RBMS3: variants seen among roughly 807,000 people sequenced by gnomAD.
RBMS3 encodes RNA-binding motif, single-stranded-interacting protein 3.
Under a neutral mutation model 66.8 loss-of-function variants are expected in RBMS3, and 27 were observed. The observed-to-expected ratio is 0.40, with a 90% CI of 0.30 to 0.56. The LOEUF (loss-of-function observed/expected upper bound fraction) is 0.56, where lower values mean the gene tolerates loss of function less well. Among genes scored for constraint, RBMS3 ranks in the 20% least tolerant of loss-of-function variants. The pLI, the probability that RBMS3 is intolerant of heterozygous loss-of-function variation, is 0.40. For missense variants in RBMS3, 513 were observed against 549.5 expected (o/e 0.93, Z 0.66); for synonymous variants, 188 against 183.0 (o/e 1.03, Z -0.22).
At chr3:29,446,694 G>A (rs1246147224) in intron 2 of RBMS3, among the ~76,000 whole-genome samples, 2 of 152,064 alleles carry the variant, frequency 1.3e-5, no homozygotes, top group Admixed American at 6.5e-5. Flanking sequence ...AGGATACCAA[G>A]CATTTCAGTT....
At chr3:29,992,632 T>TTGCAA (rs1457134797) in intron 14 of RBMS3, among the ~76,000 whole-genome samples, 1 of 151,996 alleles carries the variant, frequency 6.6e-6, no homozygotes, top group Non-Finnish European at 1.5e-5. Context: ...ATTAAAATTA[T>TTGCAA]TGCAATAGGG....
chr3:29,528,072 G>T (rs1256085974), intron 3 of RBMS3, among the ~76,000 whole-genome samples: 1 of 149,866 alleles, frequency 6.7e-6, no homozygotes, highest in Non-Finnish European at 1.5e-5. Context: ...ATCAAGAAAT[G>T]CTAAACTTGT....
At chr3:29,535,209 G>A (rs1342209612) in intron 3 of RBMS3, among the ~76,000 whole-genome samples, 5 of 152,150 alleles carry the variant, frequency 3.3e-5, no homozygotes, top group South Asian at 2.1e-4. Context: ...GCAATAAAAC[G>A]TATCATCTTA....
At chr3:29,372,943 GTAAGTGCTCA>G (rs1329210188) in intron 1 of RBMS3, among the ~76,000 whole-genome samples, 3 of 151,230 alleles carry the variant, frequency 2.0e-5, no homozygotes, top group Non-Finnish European at 4.4e-5. Flanking sequence ...CTGGAATATA[GTAAGTGCTCA>G]TTTATGTTAT....
At chr3:29,767,308 G>GT (rs1480628910) in intron 6 of RBMS3, 1 of 151,930 alleles carries the variant, frequency 6.6e-6, no homozygotes, top group African/African-American at 2.4e-5. Flanking sequence ...CTAGACATTT[G>GT]TTTTTTCCTG....
intron 3 of RBMS3, among the ~76,000 whole-genome samples, chr3:29,550,923 A>G (rs1432740145): frequency 6.6e-6 from 1 of 152,218 alleles, no homozygotes; most frequent in African/African-American, 2.4e-5. Context: ...TATAACTGCA[A>G]TGAAGACTGG....
At chr3:29,541,080 C>T (rs1039155768) in intron 3 of RBMS3, among the ~76,000 whole-genome samples, 3 of 152,130 alleles carry the variant, frequency 2.0e-5, no homozygotes, top group Admixed American at 6.5e-5. Context: ...GTGGCCTAAC[C>T]GAATTTACCC....
At chr3:29,684,545 A>C (rs1288614058) in intron 4 of RBMS3, among the ~76,000 whole-genome samples, 1 of 152,126 alleles carries the variant, frequency 6.6e-6, no homozygotes, top group South Asian at 2.1e-4. Flanking sequence ...TTATTTAGGG[A>C]GTTATGGAAT....
At chr3:29,958,170 C>G (rs933779230) in intron 12 of RBMS3, among the ~76,000 whole-genome samples, 1 of 151,982 alleles carries the variant, frequency 6.6e-6, no homozygotes, top group Non-Finnish European at 1.5e-5. Flanking sequence ...GCTGTCTTCC[C>G]CTCTTTCTTT....
chr3:29,650,279 C>CTTTTTTTTT (rs560594950), intron 4 of RBMS3, among the ~76,000 whole-genome samples: 15 of 96,206 alleles, frequency 1.6e-4, no homozygotes, highest in Non-Finnish European at 2.4e-4. Context: ...TCCTTTCTTT[C>CTTTTTTTTT]TTTTTTTTTT....
intron 3 of RBMS3, among the ~76,000 whole-genome samples, chr3:29,578,787 C>CTT (rs2047215086): frequency 8.4e-6 from 1 of 119,272 alleles, no homozygotes; most frequent in African/African-American, 3.8e-5. Context: ...GTAATACATG[C>CTT]TTCTTTTTTT....
chr3:29,789,883 C>A (rs73831031), intron 6 of RBMS3, among the ~76,000 whole-genome samples: 2,222 of 152,288 alleles, frequency 0.015, 41 homozygotes, highest in African/African-American at 0.042. Context: ...CATCATCTGG[C>A]AGCCATTTCA....
At chr3:29,811,778 T>A (rs4599260) in intron 6 of RBMS3, among the ~76,000 whole-genome samples, 2 of 151,940 alleles carry the variant, frequency 1.3e-5, no homozygotes, top group Non-Finnish European at 2.9e-5. Context: ...AGGATAAAGA[T>A]GAGTGACCTC....
intron 11 of RBMS3, among the ~76,000 whole-genome samples, chr3:29,943,950 G>A (rs1328142823): frequency 6.6e-6 from 1 of 151,622 alleles, no homozygotes; most frequent in Admixed American, 6.6e-5. Flanking sequence ...AACAGGCTGT[G>A]GAAGATGACA....
chr3:29,360,094 G>C (rs1045285761), intron 1 of RBMS3, among the ~76,000 whole-genome samples: 2 of 152,122 alleles, frequency 1.3e-5, no homozygotes, highest in Non-Finnish European at 2.9e-5. Context: ...GCAAGCTTCT[G>C]AATGTGTTTG....
At chr3:29,941,404 CTGAT>C (rs1445906626) in intron 11 of RBMS3, among the ~76,000 whole-genome samples, 28 of 151,842 alleles carry the variant, frequency 1.8e-4, no homozygotes, top group Non-Finnish European at 3.1e-4. Context: ...TAAATGGACT[CTGAT>C]TCAGGAAGCA....
chr3:29,618,181 A>G (rs867147341), intron 4 of RBMS3, among the ~76,000 whole-genome samples: 3 of 152,302 alleles, frequency 2.0e-5, no homozygotes, highest in Admixed American at 6.5e-5. Context: ...TATTTAGGAA[A>G]TTAAATAAAA....
At chr3:29,600,334 A>G (rs1393547278) in intron 4 of RBMS3, among the ~76,000 whole-genome samples, 2 of 151,980 alleles carry the variant, frequency 1.3e-5, no homozygotes, top group Non-Finnish European at 2.9e-5. Flanking sequence ...TGCTCTCCTA[A>G]CAGTAATAAA....
At chr3:29,535,710 C>CTTTT (rs149022808) in intron 3 of RBMS3, among the ~76,000 whole-genome samples, 3,827 of 39,786 alleles carry the variant, frequency 0.096, 1,209 homozygotes, top group East Asian at 0.14. Context: ...GATCATTGCT[C>CTTTT]TTTTTTTTTT....
Sources: allele counts gnomAD v4.1 joint callset (sites outside exome capture counted in the v4.1 genomes callset), GRCh38; gene constraint gnomAD v4.1.1; transcripts MANE v1.5; gene names NCBI Gene and HGNC (gene_info 2026-07-23, HGNC 2026-07-21).